Variants in BRAF observed in about 807,000 individuals in gnomAD.
The protein encoded by BRAF is serine/threonine-protein kinase B-raf.
Under a neutral mutation model 104.6 loss-of-function variants are expected in BRAF, and 16 were observed. The observed-to-expected ratio is 0.15, with a 90% CI of 0.10 to 0.23. The LOEUF (loss-of-function observed/expected upper bound fraction) is 0.23, where lower values mean the gene tolerates loss of function less well. Ranked by LOEUF, BRAF falls within the 10% of genes least tolerant of loss-of-function variation. The pLI is 1.00. For synonymous variants in BRAF, 310 were observed against 341.6 expected (o/e 0.91, Z 1.02); for missense variants, 541 against 937.3 (o/e 0.58, Z 5.52).
intron 1 of BRAF, among the ~76,000 whole-genome samples, chr7:140,861,388 T>TAATTC (rs1810398505): frequency 6.6e-6 from 1 of 152,192 alleles, no homozygotes; most frequent in Non-Finnish European, 1.5e-5. Flanking sequence ...GTGGCATAAA[T>TAATTC]AGGAACAGAC....
intron 3 of BRAF, among the ~76,000 whole-genome samples, chr7:140,811,815 G>A (rs1235816690): frequency 6.6e-6 from 1 of 152,104 alleles, no homozygotes; most frequent in African/African-American, 2.4e-5. Context: ...AATAATCCTT[G>A]TACTTCCCCT....
intron 11 of BRAF, 71 bp from the exon 11 acceptor site, chr7:140,781,764 A>G (rs1800899909): frequency 8.2e-7 from 1 of 1,216,130 alleles, no homozygotes; most frequent in African/African-American, 1.5e-5. Context: ...CACCCTAAGT[A>G]CATTACCTTA....
chr7:140,847,048 G>A (rs774687172), intron 2 of BRAF, among the ~76,000 whole-genome samples: 1 of 152,078 alleles, frequency 6.6e-6, no homozygotes, highest in Non-Finnish European at 1.5e-5. Context: ...CCAGCTACTT[G>A]AGAGGCTGAC....
chr7:140,842,777 A>G (rs1554410846), intron 2 of BRAF, among the ~76,000 whole-genome samples: 1 of 152,206 alleles, frequency 6.6e-6, no homozygotes, highest in Non-Finnish European at 1.5e-5. Context: ...AGAGTACTGT[A>G]TCTCATATTT....
intron 2 of BRAF, among the ~76,000 whole-genome samples, chr7:140,841,847 C>T (rs927927671): frequency 2.6e-5 from 4 of 151,656 alleles, no homozygotes; most frequent in Non-Finnish European, 5.9e-5. Flanking sequence ...AAAAGTTAAT[C>T]GTATAGTATG....
At chr7:140,790,107 G>GGGGTTTCAGAGAT in intron 8 of BRAF, among the ~76,000 whole-genome samples, 1 of 152,272 alleles carries the variant, frequency 6.6e-6, no homozygotes, top group Admixed American at 6.5e-5. Flanking sequence ...ACTCTGAGTT[G>GGGGTTTCAGAGAT]GGGTTTCAGA....
At position 140,924,676 on chromosome 7, in the gene BRAF, C is replaced by T. The variant is rs1356557681; in HGVS notation, c.28G>A (p.Gly10Ser). Residue 10 changes from glycine (G) to serine (S), a missense_variant, in exon 1 of 20, where the codon GGC (glycine) becomes AGC (serine). Gly to Ser is a moderately conservative substitution (Grantham distance 56, BLOSUM62 0). This residue lies in a region of BRAF where 82 missense variants were observed against 65.9 expected (regional missense o/e 1.24). Transcript: ENST00000644969. This position sits in a 1 kb window ranked among gnomAD's most constrained non-coding sequence, Gnocchi z 4.2. MAALSGGGG[G>S]GAEPGQALFN... ...AGAGCCTGGCCCGGCTCCGCGCCGC[C>T]ACCACCGCCACCGCTCAGCGCCGCC... The T allele has an allele frequency of 8.5e-6, 10 of 1,181,848 alleles. No homozygotes were observed. In the Admixed American group the frequency reaches 1.9e-4, roughly 22 times the overall value. The allele number at this position is 1,181,848 out of a possible 1,614,324, so 73.2% of individuals were successfully genotyped here.
chr7:140,776,712 T>C (rs901656923), intron 14 of BRAF, among the ~76,000 whole-genome samples, 200 bp downstream of exon 13: 4 of 152,230 alleles, frequency 2.6e-5, no homozygotes, highest in African/African-American at 7.2e-5. Flanking sequence ...TATCAAATAC[T>C]TGATATATGT....
intron 1 of BRAF, among the ~76,000 whole-genome samples, chr7:140,871,562 T>C (rs1325173179): frequency 6.6e-6 from 1 of 152,114 alleles, no homozygotes; most frequent in African/African-American, 2.4e-5. Context: ...TACTCTAACT[T>C]CCAATATTTT....
chr7:140,760,505 GAGCAAC>G (rs2129004728), intron 14 of BRAF, among the ~76,000 whole-genome samples: 1 of 151,980 alleles, frequency 6.6e-6, no homozygotes, highest in East Asian at 1.9e-4. Flanking sequence ...AAAGGAAGGA[GAGCAAC>G]TGGACAGTGA....
intron 17 of BRAF, 114 bp from the exon 17 acceptor site, chr7:140,740,060 T>C: frequency 8.8e-7 from 1 of 1,142,358 alleles, no homozygotes. Flanking sequence ...GATGTATGTA[T>C]TACACCTCAA....
At chr7:140,740,105 A>G in intron 17 of BRAF, 159 bp from the exon 17 acceptor site, 1 of 730,438 alleles carries the variant, frequency 1.4e-6, no homozygotes, top group South Asian at 1.9e-5. Context: ...CACATCATAG[A>G]TGGTGGGAAA....
chr7:140,766,011 T>A (rs931017499), intron 14 of BRAF, among the ~76,000 whole-genome samples: 9 of 150,770 alleles, frequency 6.0e-5, no homozygotes, highest in South Asian at 2.1e-4. Flanking sequence ...GTATGTTTAT[T>A]GCGGCACTAT....
At chr7:140,827,363 T>C (rs983110408) in intron 3 of BRAF, among the ~76,000 whole-genome samples, 2 of 152,170 alleles carry the variant, frequency 1.3e-5, no homozygotes, top group African/African-American at 2.4e-5. Flanking sequence ...CTGAGTGCTA[T>C]TACCACTCCA....
intron 3 of BRAF, among the ~76,000 whole-genome samples, chr7:140,809,870 A>AG (rs1447590327): frequency 6.6e-6 from 1 of 150,524 alleles, no homozygotes. Context: ...GGAAAGGGAA[A>AG]GGGAAAAAAA....
intron 5 of BRAF, among the ~76,000 whole-genome samples, chr7:140,802,637 A>C (rs903775465): frequency 9.2e-5 from 14 of 152,102 alleles, no homozygotes; most frequent in African/African-American, 3.1e-4. Flanking sequence ...AAAAGTAAAA[A>C]AGAAAAATTA....
intron 3 of BRAF, among the ~76,000 whole-genome samples, chr7:140,830,802 A>G (rs1806647644): frequency 1.3e-5 from 2 of 152,246 alleles, no homozygotes. Flanking sequence ...TAAAGAGAGC[A>G]CAGAAGCTCT....
intron 1 of BRAF, among the ~76,000 whole-genome samples, chr7:140,921,091 C>A (rs956868985): frequency 6.6e-6 from 1 of 152,128 alleles, no homozygotes; most frequent in Non-Finnish European, 1.5e-5. Context: ...ATCTTGAAAA[C>A]AGAACATAAT....
intron 2 of BRAF, among the ~76,000 whole-genome samples, chr7:140,842,610 C>T (rs1318930373): frequency 6.6e-6 from 1 of 152,032 alleles, no homozygotes; most frequent in African/African-American, 2.4e-5. Context: ...GAAGGCATTC[C>T]AATAATTTGT....
Sources: allele counts gnomAD v4.1 joint callset (sites outside exome capture counted in the v4.1 genomes callset), GRCh38; gene constraint gnomAD v4.1.1; regional missense constraint gnomAD v4.1.1; non-coding constraint Gnocchi (gnomAD v3.1); transcripts MANE v1.5; gene names NCBI Gene and HGNC (gene_info 2026-07-23, HGNC 2026-07-21).